Variants in COMMD10 observed in about 807,000 individuals in gnomAD.
COMMD10 encodes the protein COMM domain-containing protein 10.
In COMMD10, 33 loss-of-function variants were observed where a neutral mutation model predicts 28.9. The observed-to-expected ratio is 1.14, with a 90% CI of 0.87 to 1.53. The LOEUF (loss-of-function observed/expected upper bound fraction) is 1.53, where lower values mean the gene tolerates loss of function less well. Ranked by LOEUF, COMMD10 falls within the 40% of genes most tolerant of loss-of-function variation. The pLI is 0.00. For missense variants in COMMD10, 310 were observed against 233.4 expected, an observed-to-expected ratio of 1.33 and a Z score of -2.14; for synonymous variants, 110 against 81.7, an observed-to-expected ratio of 1.35 and a Z score of -1.87.
At chr5:116,125,413 A>T (rs1005186411) in intron 4 of COMMD10, among the ~76,000 whole-genome samples, 2 of 152,126 alleles carry the variant, frequency 1.3e-5, no homozygotes, top group Non-Finnish European at 2.9e-5. Flanking sequence ...TTCTACTGAG[A>T]GATGCGCTGT....
At position 116,134,040 on chromosome 5, in the gene COMMD10, G is replaced by C. The variant is rs756948240; in HGVS notation, c.400-28G>C. On this transcript the variant is annotated intron_variant, in intron 4 of 6. Coordinates refer to ENST00000274458, the MANE Select transcript of COMMD10 (RefSeq NM_016144.4). ...CTGTTTTCTTCCTTCTGTACCATCT[G>C]ATTCCAATCTGCACCTGTCTTTTAT... 4.7e-6 allele frequency: 6 copies of C among 1,266,852 alleles called. No homozygotes were observed. The Admixed American group carries it at 1.0e-4, about 21-fold the overall frequency. The allele number at this position is 1,266,852 out of a possible 1,614,324, so 78.5% of individuals were successfully genotyped here. A position where few individuals can be genotyped will look rare whatever the true frequency, so the allele number is the denominator to read the frequency against.
chr5:116,192,085 A>G (rs999452351), intron 5 of COMMD10, among the ~76,000 whole-genome samples: 2 of 152,080 alleles, frequency 1.3e-5, no homozygotes, highest in Non-Finnish European at 2.9e-5. Flanking sequence ...CAGTAATCAC[A>G]GGAAGCCACG....
chr5:116,271,967 C>A (rs1750772102), intron 5 of COMMD10, among the ~76,000 whole-genome samples: 1 of 151,830 alleles, frequency 6.6e-6, no homozygotes, highest in Non-Finnish European at 1.5e-5. Flanking sequence ...TTACTTATAA[C>A]CACTTTGGGA....
intron 5 of COMMD10, among the ~76,000 whole-genome samples, chr5:116,165,675 CTG>C (rs1455324634): frequency 6.6e-6 from 1 of 151,834 alleles, no homozygotes; most frequent in African/African-American, 2.4e-5. Context: ...AGTGAGCTCT[CTG>C]GTGTCTCTTA....
At chr5:116,163,740 T>C (rs960275466) in intron 5 of COMMD10, among the ~76,000 whole-genome samples, 2 of 152,228 alleles carry the variant, frequency 1.3e-5, no homozygotes, top group African/African-American at 2.4e-5. Context: ...TATAAAGCAC[T>C]AAGTTATGTC....
Position 116,150,338 on chromosome 5 carries a change from G to A in COMMD10, c.510+16160G>A, listed in dbSNP as rs549422920. 7.5e-4 allele frequency among the ~76,000 whole-genome samples: 114 copies of A among 152,088 alleles called. 1 individual carries two copies. In the Middle Eastern group the frequency reaches 0.017, roughly 23 times the overall value. On this transcript the variant is annotated intron_variant, in intron 5 of 6. Coordinates refer to ENST00000274458, the MANE Select transcript of COMMD10 (RefSeq NM_016144.4). The stretch of plus-strand genomic sequence containing the variant: ...TTGCTTAGGATTGACTTGGCAATGC[G>A]GGCTCTTTTTTGGTTCCATATGAAC...
rs183884404 is a variant in COMMD10, at chr5:116,208,168, A to T, written c.510+73990A>T. On this transcript the variant is annotated intron_variant, in intron 5 of 6. Coordinates refer to ENST00000274458, the MANE Select transcript of COMMD10 (RefSeq NM_016144.4). Reference sequence around the variant, plus strand: ...ATGTATGGGTTAAACAATGCATGTAAAACATTTGGCACTGATGTTAGAAAA... The same window carrying T: ...ATGTATGGGTTAAACAATGCATGTATAACATTTGGCACTGATGTTAGAAAA... 2.6e-3 allele frequency among the ~76,000 whole-genome samples: 394 copies of T among 152,262 alleles called. 1 individual carries two copies. The highest frequency in any genetic ancestry group is 4.4e-3 in the Non-Finnish European group (302 of 68,036).
chr5:116,291,029 T>G (rs1751346298), intron 5 of COMMD10, among the ~76,000 whole-genome samples: 1 of 152,160 alleles, frequency 6.6e-6, no homozygotes, highest in Admixed American at 6.6e-5. Flanking sequence ...GTCTATACAT[T>G]GAAGAAGGTA....
chr5:116,201,567 A>G (rs534238994), intron 5 of COMMD10, among the ~76,000 whole-genome samples: 83 of 152,156 alleles, frequency 5.5e-4, no homozygotes, highest in Non-Finnish European at 8.1e-4. Flanking sequence ...GGTTTACCCT[A>G]TGACTTGACT....
chr5:116,145,864 A>G (rs1490563879), intron 5 of COMMD10, among the ~76,000 whole-genome samples: 2 of 151,902 alleles, frequency 1.3e-5, no homozygotes, highest in Non-Finnish European at 2.9e-5. Flanking sequence ...GCCTTCTGCC[A>G]TGATTGTAAG....
chr5:116,107,563 T>C (rs1750882423), intron 4 of COMMD10, among the ~76,000 whole-genome samples: 1 of 152,272 alleles, frequency 6.6e-6, no homozygotes, highest in Non-Finnish European at 1.5e-5. Context: ...CTGGTTATTC[T>C]AGTTAGCAGT....
At position 116,145,884 on chromosome 5, in the gene COMMD10, G is replaced by A. The variant is rs145681964; in HGVS notation, c.510+11706G>A. 2.6e-5 allele frequency among the ~76,000 whole-genome samples: 4 copies of A among 151,958 alleles called. No individual in the cohort carries two copies. In the East Asian group the frequency reaches 7.8e-4, roughly 30 times the overall value. Reference sequence around the variant, plus strand: ...CTGCCATGATTGTAAGTTTCTTGAGGCCTTCCCAGCCATGCTGAACTAAAC... The same window carrying A: ...CTGCCATGATTGTAAGTTTCTTGAGACCTTCCCAGCCATGCTGAACTAAAC... On this transcript the variant is annotated intron_variant, in intron 5 of 6. Transcript: ENST00000274458.
intron 5 of COMMD10, among the ~76,000 whole-genome samples, chr5:116,153,881 T>C (rs896970679): frequency 5.3e-5 from 8 of 152,072 alleles, no homozygotes; most frequent in Admixed American, 4.6e-4. Flanking sequence ...AAGGGTTGGG[T>C]TGAGAATTGT....
rs139663861 is a variant in COMMD10, at chr5:116,130,185, A to G, written c.400-3883A>G. 9.4e-3 allele frequency among the ~76,000 whole-genome samples: 1,429 copies of G among 151,962 alleles called. 26 individuals are homozygous for G. Among genetic ancestry groups the G allele is most frequent in the Non-Finnish European group, 0.01 (682 of 67,850 alleles). On this transcript the variant is annotated intron_variant, in intron 4 of 6. Coordinates refer to ENST00000274458, the MANE Select transcript of COMMD10 (RefSeq NM_016144.4). ...AATTTATTTCAATTCAATTCTACAG[A>G]TAGATGTAGAATGTGCTTACTGTAT...
chr5:116,150,076 G>A (rs946443534), intron 5 of COMMD10, among the ~76,000 whole-genome samples: 2 of 152,050 alleles, frequency 1.3e-5, no homozygotes, highest in East Asian at 3.9e-4. Context: ...TCTACATATG[G>A]CTAGCCAGTT....
chr5:116,268,699 A>G (rs11957549), intron 5 of COMMD10, among the ~76,000 whole-genome samples: 39,733 of 151,658 alleles, frequency 0.26, 7,107 homozygotes, highest in African/African-American at 0.5. Flanking sequence ...AACCAACCCA[A>G]ATGCCCATCA....
At chr5:116,196,470 C>CTT (rs988512060) in intron 5 of COMMD10, among the ~76,000 whole-genome samples, 1 of 151,314 alleles carries the variant, frequency 6.6e-6, no homozygotes, top group African/African-American at 2.4e-5. Context: ...AACCGAATAC[C>CTT]ACCTGTACCC....
At chr5:116,117,681 G>A (rs1213369285) in intron 4 of COMMD10, among the ~76,000 whole-genome samples, 1 of 152,022 alleles carries the variant, frequency 6.6e-6, no homozygotes, top group Non-Finnish European at 1.5e-5. Context: ...GGCCAGGCTG[G>A]TCTTGAACCC....
At chr5:116,248,238 C>T (rs1750011575) in intron 5 of COMMD10, among the ~76,000 whole-genome samples, 1 of 151,812 alleles carries the variant, frequency 6.6e-6, no homozygotes, top group African/African-American at 2.4e-5. Context: ...TTGAATTTCT[C>T]TTAATTACAA....
Sources: gnomAD v4.1 joint callset for allele counts (sites outside exome capture counted in the v4.1 genomes callset) on GRCh38, gnomAD v4.1.1 for gene constraint, MANE v1.5 for transcripts, NCBI Gene and HGNC (gene_info 2026-07-23, HGNC 2026-07-21) for gene names.